Variants in BLTP3B observed in about 807,000 individuals in gnomAD.
BLTP3B encodes bridge-like lipid transfer protein family member 3B.
chr12:100,138,778 T>C, the BLTP3B span, among the ~76,000 whole-genome samples: 1 of 152,218 alleles, frequency 6.6e-6, no homozygotes, highest in Non-Finnish European at 1.5e-5. Context: ...CTACCCCTTT[T>C]CAGGTCCTGG....
At chr12:100,135,879 A>G in the BLTP3B span, among the ~76,000 whole-genome samples, 3 of 152,172 alleles carry the variant, frequency 2.0e-5, no homozygotes, top group Non-Finnish European at 4.4e-5. Context: ...CAACTAGTAC[A>G]TACAGTGTCA....
the BLTP3B span, among the ~76,000 whole-genome samples, chr12:100,084,840 G>A: frequency 6.6e-6 from 1 of 152,212 alleles, no homozygotes; most frequent in East Asian, 1.9e-4. Flanking sequence ...CAGAGGGAAA[G>A]AATGTCAAAA....
At chr12:100,049,314 T>C in the BLTP3B span, among the ~76,000 whole-genome samples, 1 of 152,206 alleles carries the variant, frequency 6.6e-6, no homozygotes. Flanking sequence ...GAAAGTTATT[T>C]ATCCCACAGG....
the BLTP3B span, among the ~76,000 whole-genome samples, chr12:100,112,270 A>G: frequency 6.6e-6 from 1 of 152,148 alleles, no homozygotes; most frequent in Non-Finnish European, 1.5e-5. Context: ...CTTGAGCCCA[A>G]GAGTTTGAGA....
the BLTP3B span, chr12:100,086,381 G>GC: frequency 1.6e-6 from 1 of 626,222 alleles, no homozygotes; most frequent in Non-Finnish European, 2.6e-6. Context: ...AAGGGGGGGG[G>GC]GGAAATATTA....
chr12:100,142,231 C>T, the BLTP3B span, among the ~76,000 whole-genome samples: 1 of 152,238 alleles, frequency 6.6e-6, no homozygotes, highest in Non-Finnish European at 1.5e-5. Flanking sequence ...AGCACATTAA[C>T]CAGGCACTTG....
At chr12:100,128,041 A>G in the BLTP3B span, among the ~76,000 whole-genome samples, 2 of 152,176 alleles carry the variant, frequency 1.3e-5, no homozygotes. Context: ...TCAAAAAACA[A>G]AAAAAGAATC....
At chr12:100,076,486 TG>T in the BLTP3B span, among the ~76,000 whole-genome samples, 1 of 149,654 alleles carries the variant, frequency 6.7e-6, no homozygotes, top group Non-Finnish European at 1.5e-5. Flanking sequence ...CTCTGCCTCC[TG>T]GACTGAAGCG....
chr12:100,141,295 C>T, the BLTP3B span, among the ~76,000 whole-genome samples: 2 of 149,534 alleles, frequency 1.3e-5, no homozygotes, highest in Non-Finnish European at 1.5e-5. Flanking sequence ...ACCAGCCTGG[C>T]CTGGTGAAAC....
the BLTP3B span, chr12:100,142,525 C>T: frequency 1.9e-6 from 3 of 1,555,788 alleles, no homozygotes; most frequent in Non-Finnish European, 2.6e-6. Flanking sequence ...CCCCCGAAGC[C>T]GCAGGCTGAC....
chr12:100,117,581 C>T, the BLTP3B span, among the ~76,000 whole-genome samples: 14 of 151,964 alleles, frequency 9.2e-5, no homozygotes, highest in East Asian at 2.3e-3. Context: ...TCCCCTGCCT[C>T]GACCTCCTAA....
At chr12:100,085,331 C>A in the BLTP3B span, among the ~76,000 whole-genome samples, 1 of 149,914 alleles carries the variant, frequency 6.7e-6, no homozygotes, top group Non-Finnish European at 1.5e-5. Context: ...CCACTGCACT[C>A]GTGAGGCCTT....
the BLTP3B span, among the ~76,000 whole-genome samples, chr12:100,085,238 C>T: frequency 6.6e-6 from 1 of 151,878 alleles, no homozygotes; most frequent in Non-Finnish European, 1.5e-5. Flanking sequence ...TCAGGCCAGG[C>T]GCAGTGGCTC....
the BLTP3B span, among the ~76,000 whole-genome samples, chr12:100,087,972 T>A: frequency 1.3e-5 from 2 of 152,122 alleles, no homozygotes; most frequent in Admixed American, 1.3e-4. Context: ...GAACAAAAGA[T>A]AACAAATCCC....
At chr12:100,083,070 A>G in the BLTP3B span, 1 of 1,613,880 alleles carries the variant, frequency 6.2e-7, no homozygotes, top group Non-Finnish European at 8.5e-7. Context: ...ACATTAGCTT[A>G]GCTTTTGATT....
At chr12:100,058,759 T>C in the BLTP3B span, 6 of 1,613,788 alleles carry the variant, frequency 3.7e-6, no homozygotes, top group Non-Finnish European at 3.4e-6. Flanking sequence ...TTCCTTAAGT[T>C]CTCTGAAAGC....
chr12:100,085,760 TTTTTC>T, the BLTP3B span, among the ~76,000 whole-genome samples: 1 of 152,134 alleles, frequency 6.6e-6, no homozygotes, highest in African/African-American at 2.4e-5. Flanking sequence ...TCATACTTTT[TTTTTC>T]TTTTCATTAT....
chr12:100,049,705 C>G, the BLTP3B span, among the ~76,000 whole-genome samples: 1 of 152,090 alleles, frequency 6.6e-6, no homozygotes, highest in African/African-American at 2.4e-5. Flanking sequence ...GTAAAAGAAA[C>G]AGCCACAAAT....
the BLTP3B span, chr12:100,037,283 C>T: frequency 9.9e-7 from 1 of 1,005,410 alleles, no homozygotes; most frequent in Non-Finnish European, 1.2e-6. Context: ...TGTGTGAACA[C>T]AAGAGGTTTT....
Sources: gnomAD v4.1 joint callset for allele counts (sites outside exome capture counted in the v4.1 genomes callset) on GRCh38, gnomAD v4.1.1 for gene constraint, MANE v1.5 for transcripts, NCBI Gene and HGNC (gene_info 2026-07-23, HGNC 2026-07-21) for gene names.